Variants in NELL1 observed in about 807,000 individuals in gnomAD.
The protein encoded by NELL1 is neural EGFL like 1, also known as protein kinase C-binding protein NELL1.
NELL1 carries 76 observed loss-of-function variants against 107.4 expected under a neutral mutation model. The ratio of observed to expected loss-of-function variants is 0.71; its 90% CI spans 0.59 to 0.86. The LOEUF (loss-of-function observed/expected upper bound fraction) is 0.86. Ranked by LOEUF, NELL1 falls within the 40% of genes least tolerant of loss-of-function variation. NELL1 has a pLI of 0.00. For missense variants in NELL1, 1,024 were observed against 1,005.5 expected (o/e 1.02, Z -0.25); for synonymous variants, 353 against 341.2 (o/e 1.03, Z -0.38).
chr11:21,305,531 A>G (rs545381068), intron 14 of NELL1, among the ~76,000 whole-genome samples: 65 of 151,978 alleles, frequency 4.3e-4, no homozygotes, highest in Admixed American at 8.5e-4. Flanking sequence ...CTTCCAAAAC[A>G]TAAAAAGAAT....
chr11:21,494,248 CTG>C (rs1422518146), intron 15 of NELL1, among the ~76,000 whole-genome samples: 1 of 151,916 alleles, frequency 6.6e-6, no homozygotes, highest in East Asian at 1.9e-4. Flanking sequence ...GTTTTATAAA[CTG>C]TTTAATGTAT....
intron 12 of NELL1, among the ~76,000 whole-genome samples, chr11:21,045,511 T>G (rs931324291): frequency 6.6e-6 from 1 of 152,212 alleles, no homozygotes. Flanking sequence ...CATACTATTC[T>G]ATCACCTTCT....
At chr11:21,196,389 A>T (rs1377539760) in intron 13 of NELL1, among the ~76,000 whole-genome samples, 1 of 151,454 alleles carries the variant, frequency 6.6e-6, no homozygotes, top group Non-Finnish European at 1.5e-5. Flanking sequence ...CCTTAATCCC[A>T]TTTTCTCACT....
chr11:21,394,054 GCA>G lies in NELL1; in HGVS notation c.1645+23111_1645+23112del, dbSNP rs372465922. ...AAACGGAAATCAGATATACGCAAGG[GCA>G]CACATAGGCAAAAGGTCAATCACTT... On this transcript the variant is annotated intron_variant, in intron 15 of 19. Transcript: ENST00000357134. Among the ~76,000 whole-genome samples, 43 of 151,702 alleles carry G rather than the reference GCA, an allele frequency of 2.8e-4. 1 individual carries two copies. The South Asian group carries it at 5.6e-3, about 20-fold the overall frequency.
intron 3 of NELL1, among the ~76,000 whole-genome samples, chr11:20,833,866 G>A (rs1043560386): frequency 9.2e-5 from 14 of 152,138 alleles, no homozygotes; most frequent in Non-Finnish European, 2.1e-4. Context: ...GAACGTTGGT[G>A]TGTAGAGGGC....
intron 15 of NELL1, among the ~76,000 whole-genome samples, chr11:21,409,854 T>C (rs1266067428): frequency 2.6e-5 from 4 of 151,660 alleles, no homozygotes; most frequent in African/African-American, 9.7e-5. Flanking sequence ...TGCCACTCTC[T>C]CACACACAAA....
At chr11:20,965,672 C>A (rs1276398107) in intron 12 of NELL1, among the ~76,000 whole-genome samples, 1 of 152,146 alleles carries the variant, frequency 6.6e-6, no homozygotes, top group Non-Finnish European at 1.5e-5. Context: ...TGTAACAAAA[C>A]TGACATGTCT....
chr11:21,322,360 C>T (rs1052092691), intron 14 of NELL1, among the ~76,000 whole-genome samples: 2 of 152,120 alleles, frequency 1.3e-5, no homozygotes, highest in African/African-American at 2.4e-5. Context: ...CTCTGTGATT[C>T]TGAGTTTATG....
intron 15 of NELL1, among the ~76,000 whole-genome samples, chr11:21,457,893 C>T (rs910037122): frequency 6.6e-6 from 1 of 152,134 alleles, no homozygotes. Flanking sequence ...AACAGTGATA[C>T]ATACATAAAG....
At chr11:20,928,190 A>G (rs925374671) in intron 8 of NELL1, among the ~76,000 whole-genome samples, 187 bp from the exon 9 acceptor site, 1 of 152,188 alleles carries the variant, frequency 6.6e-6, no homozygotes, top group African/African-American at 2.4e-5. Context: ...TCAGAAAAGT[A>G]ATTGAGGTGG....
intron 2 of NELL1, among the ~76,000 whole-genome samples, chr11:20,727,289 T>C (rs1486256737): frequency 3.3e-5 from 5 of 152,178 alleles, no homozygotes; most frequent in Admixed American, 6.5e-5. Context: ...GATCGCCATT[T>C]TAACTGGTGT....
At chr11:21,310,453 G>T (rs1849727081) in intron 14 of NELL1, among the ~76,000 whole-genome samples, 2 of 152,020 alleles carry the variant, frequency 1.3e-5, no homozygotes, top group Admixed American at 1.3e-4. Context: ...CATGGTTTCG[G>T]TCCTCCTAAT....
intron 17 of NELL1, among the ~76,000 whole-genome samples, chr11:21,565,179 A>C (rs991898229): frequency 6.6e-6 from 1 of 151,896 alleles, no homozygotes; most frequent in African/African-American, 2.4e-5. Flanking sequence ...TGATGGTTGG[A>C]GTTAGCTGTG....
At chr11:21,228,387 A>T (rs1484660180) in intron 13 of NELL1, among the ~76,000 whole-genome samples, 2 of 152,118 alleles carry the variant, frequency 1.3e-5, no homozygotes, top group Non-Finnish European at 2.9e-5. Context: ...CCATATCACT[A>T]CATGGCAGGC....
At chr11:20,710,942 G>A (rs11512088) in intron 2 of NELL1, among the ~76,000 whole-genome samples, 22,312 of 151,326 alleles carry the variant, frequency 0.15, 1,886 homozygotes, top group African/African-American at 0.22. Flanking sequence ...CTTACTAATG[G>A]TTTCTTTATT....
chr11:21,533,498 A>T (rs1591013338), intron 15 of NELL1, among the ~76,000 whole-genome samples: 1 of 152,194 alleles, frequency 6.6e-6, no homozygotes, highest in Non-Finnish European at 1.5e-5. Context: ...ATTCTGTTAC[A>T]ATGAACTGAA....
chr11:21,508,915 A>C (rs1276686143), intron 15 of NELL1, among the ~76,000 whole-genome samples: 1 of 152,144 alleles, frequency 6.6e-6, no homozygotes, highest in Non-Finnish European at 1.5e-5. Flanking sequence ...AAAATGATGA[A>C]AATTATTCAA....
At chr11:21,277,613 G>A (rs372868733) in intron 14 of NELL1, among the ~76,000 whole-genome samples, 29 of 152,054 alleles carry the variant, frequency 1.9e-4, no homozygotes, top group African/African-American at 5.8e-4. Flanking sequence ...TGTTTATTGC[G>A]GCACTATTCA....
intron 12 of NELL1, among the ~76,000 whole-genome samples, chr11:21,064,920 A>G (rs1853832009): frequency 6.6e-6 from 1 of 152,210 alleles, no homozygotes; most frequent in Non-Finnish European, 1.5e-5. Context: ...CATTATGCAT[A>G]CTTAAGTGAG....
Sources: allele counts gnomAD v4.1 joint callset (sites outside exome capture counted in the v4.1 genomes callset), GRCh38; gene constraint gnomAD v4.1.1; transcripts MANE v1.5; gene names NCBI Gene and HGNC (gene_info 2026-07-23, HGNC 2026-07-21).